SNTG1: variants seen among roughly 807,000 people sequenced by gnomAD.
SNTG1 encodes the protein gamma-1-syntrophin.
SNTG1 carries 39 observed loss-of-function variants against 74.7 expected under a neutral mutation model. The observed-to-expected ratio is 0.52, with a 90% CI of 0.40 to 0.68. The LOEUF (loss-of-function observed/expected upper bound fraction) is 0.68, where lower values mean the gene tolerates loss of function less well. Ranked by LOEUF, SNTG1 falls within the 30% of genes least tolerant of loss-of-function variation. The pLI is 0.00. For synonymous variants in SNTG1, 254 were observed against 217.1 expected (o/e 1.17, Z -1.49); for missense variants, 685 against 609.5 (o/e 1.12, Z -1.30).
At chr8:50,437,936 A>C (rs2093321030) in intron 4 of SNTG1, among the ~76,000 whole-genome samples, 1 of 152,196 alleles carries the variant, frequency 6.6e-6, no homozygotes, top group Non-Finnish European at 1.5e-5. Flanking sequence ...GGAGAGAAAA[A>C]GAAACTGATT....
At chr8:50,167,394 T>C (rs1346883307) in intron 1 of SNTG1, among the ~76,000 whole-genome samples, 1 of 151,564 alleles carries the variant, frequency 6.6e-6, no homozygotes, top group African/African-American at 2.4e-5. Context: ...CAACTTTTCC[T>C]ATATGTCACT....
chr8:50,626,069 G>T (rs969103463), intron 13 of SNTG1, among the ~76,000 whole-genome samples: 1 of 152,114 alleles, frequency 6.6e-6, no homozygotes, highest in Non-Finnish European at 1.5e-5. Context: ...ACCCAGGTTT[G>T]CCTGGTCTGC....
intron 1 of SNTG1, among the ~76,000 whole-genome samples, chr8:49,987,649 C>CTTTTT (rs35381511): frequency 1.5e-5 from 2 of 131,546 alleles, no homozygotes; most frequent in African/African-American, 5.8e-5. Flanking sequence ...TTAAATTAAC[C>CTTTTT]TTTTTTTTTT....
At chr8:50,764,477 C>T (rs1563818146) in intron 18 of SNTG1, among the ~76,000 whole-genome samples, 1 of 151,796 alleles carries the variant, frequency 6.6e-6, no homozygotes, top group Non-Finnish European at 1.5e-5. Flanking sequence ...AGACATTTCT[C>T]AAAAGAAGAC....
chr8:49,994,452 A>G (rs1814006092), intron 1 of SNTG1, among the ~76,000 whole-genome samples: 1 of 146,384 alleles, frequency 6.8e-6, no homozygotes. Context: ...TTTAGTAGAG[A>G]CGGGGTTTCA....
rs12678773 is a variant in SNTG1 at position 50,252,416 on chromosome 8, G to A, written c.-28+79781G>A. ...TAATTCATAAGATCAACTAAACAAA[G>A]AGTTGGGTTTTGGAAAAAATAAACA... On this transcript the variant is annotated intron_variant, in intron 2 of 18. Transcript: ENST00000642720. 3.5e-4 allele frequency among the ~76,000 whole-genome samples: 53 copies of A among 152,166 alleles called. 1 individual carries two copies. In the East Asian group the frequency reaches 9.8e-3, roughly 28 times the overall value.
intron 2 of SNTG1, among the ~76,000 whole-genome samples, chr8:50,179,517 G>A (rs1282402752): frequency 6.6e-6 from 1 of 152,066 alleles, no homozygotes; most frequent in African/African-American, 2.4e-5. Flanking sequence ...GACTGGGAGA[G>A]AATATTTGCA....
intron 9 of SNTG1, among the ~76,000 whole-genome samples, chr8:50,514,497 C>T (rs2094114714): frequency 6.6e-6 from 1 of 151,974 alleles, no homozygotes. Flanking sequence ...ATTGGTTTTT[C>T]AAAACTTCAT....
chr8:50,440,970 C>T (rs912949966), intron 5 of SNTG1, among the ~76,000 whole-genome samples: 1 of 152,188 alleles, frequency 6.6e-6, no homozygotes, highest in Admixed American at 6.5e-5. Context: ...AATGCTCTAA[C>T]ATGTGCTGCT....
chr8:50,509,364 T>A (rs2094042753), intron 9 of SNTG1, among the ~76,000 whole-genome samples: 1 of 152,198 alleles, frequency 6.6e-6, no homozygotes, highest in Admixed American at 6.5e-5. Flanking sequence ...CCTCCAGCTT[T>A]GTTCTTTTGG....
intron 4 of SNTG1, among the ~76,000 whole-genome samples, chr8:50,415,039 C>G (rs1026366903): frequency 3.9e-5 from 6 of 152,128 alleles, no homozygotes; most frequent in African/African-American, 1.4e-4. Flanking sequence ...TTCACTTTGT[C>G]TAAAACTTTA....
At chr8:50,580,388 A>C (rs2094602601) in intron 12 of SNTG1, among the ~76,000 whole-genome samples, 1 of 152,136 alleles carries the variant, frequency 6.6e-6, no homozygotes, top group Non-Finnish European at 1.5e-5. Flanking sequence ...GAATGAGTTA[A>C]GGCTTTGGGG....
intron 1 of SNTG1, among the ~76,000 whole-genome samples, chr8:50,003,708 G>T (rs937629219): frequency 6.6e-6 from 1 of 152,088 alleles, no homozygotes; most frequent in Non-Finnish European, 1.5e-5. Context: ...GTTCTCTCAA[G>T]AGGATCTGCT....
chr8:50,217,544 G>GA (rs564757082), intron 2 of SNTG1, among the ~76,000 whole-genome samples: 71 of 152,142 alleles, frequency 4.7e-4, no homozygotes, highest in African/African-American at 1.5e-3. Flanking sequence ...AGATTTAATA[G>GA]AAAAAAGTCG....
chr8:50,055,628 G>A (rs187949557), intron 1 of SNTG1, among the ~76,000 whole-genome samples: 1 of 152,074 alleles, frequency 6.6e-6, no homozygotes, highest in African/African-American at 2.4e-5. Context: ...ACTGTTTGTG[G>A]GTAAAAAGAA....
chr8:50,570,600 A>ATTATTG (rs2094543921), intron 12 of SNTG1, among the ~76,000 whole-genome samples: 1 of 131,116 alleles, frequency 7.6e-6, no homozygotes, highest in Admixed American at 8.4e-5. Flanking sequence ...TGTTATTATT[A>ATTATTG]TTATTATTAT....
At chr8:50,779,379 C>T (rs202140275) in intron 18 of SNTG1, among the ~76,000 whole-genome samples, 73 of 151,994 alleles carry the variant, frequency 4.8e-4, no homozygotes, top group Middle Eastern at 3.4e-3. Context: ...TTTATTTCAT[C>T]GAGCAGTGGT....
At chr8:50,701,289 A>T (rs1233665360) in intron 15 of SNTG1, among the ~76,000 whole-genome samples, 7 of 152,148 alleles carry the variant, frequency 4.6e-5, no homozygotes, top group African/African-American at 1.4e-4. Context: ...GGGCATACTA[A>T]AATTTTTGCT....
chr8:50,427,763 C>T (rs1433391984), intron 4 of SNTG1, among the ~76,000 whole-genome samples: 2 of 151,676 alleles, frequency 1.3e-5, no homozygotes, highest in African/African-American at 2.4e-5. Flanking sequence ...AAAATATTCT[C>T]AGAACAAATT....
Sources: gnomAD v4.1 joint callset for allele counts (sites outside exome capture counted in the v4.1 genomes callset) on GRCh38, gnomAD v4.1.1 for gene constraint, MANE v1.5 for transcripts, NCBI Gene and HGNC (gene_info 2026-07-23, HGNC 2026-07-21) for gene names.